RANBP17: variants seen among roughly 807,000 people sequenced by gnomAD.
RANBP17 encodes the protein ran-binding protein 17.
A neutral mutation model predicts 141.2 loss-of-function variants in RANBP17; 158 were observed. The observed-to-expected ratio is 1.12, with a 90% CI of 0.98 to 1.28. The LOEUF (loss-of-function observed/expected upper bound fraction) is 1.28, where lower values mean the gene tolerates loss of function less well. Ranked by LOEUF, RANBP17 falls within the 50% of genes most tolerant of loss-of-function variation. The pLI is 0.00. For synonymous variants in RANBP17, 430 were observed against 450.0 expected (o/e 0.96, Z 0.56); for missense variants, 1,438 against 1,290.7 (o/e 1.11, Z -1.75).
intron 14 of RANBP17, among the ~76,000 whole-genome samples, chr5:171,011,423 T>C (rs965632103): frequency 6.6e-6 from 1 of 152,050 alleles, no homozygotes; most frequent in African/African-American, 2.4e-5. Context: ...TTTTTTTTAA[T>C]ATGTGTTTAA....
At chr5:171,061,929 CTT>C (rs1211284838) in intron 14 of RANBP17, among the ~76,000 whole-genome samples, 1 of 151,970 alleles carries the variant, frequency 6.6e-6, no homozygotes, top group Non-Finnish European at 1.5e-5. Flanking sequence ...TTCTTTGTCT[CTT>C]TTGATCTTTG....
intron 18 of RANBP17, among the ~76,000 whole-genome samples, chr5:171,190,879 G>C (rs1761584698): frequency 6.6e-6 from 1 of 152,190 alleles, no homozygotes; most frequent in African/African-American, 2.4e-5. Flanking sequence ...GAAGTGCTCA[G>C]TGTCACCAAT....
chr5:171,111,979 A>T (rs1755262925), intron 14 of RANBP17, among the ~76,000 whole-genome samples: 1 of 152,222 alleles, frequency 6.6e-6, no homozygotes, highest in Non-Finnish European at 1.5e-5. Context: ...ATGGAAAAAT[A>T]GCAAATTACA....
At chr5:171,055,117 A>G (rs904593974) in intron 14 of RANBP17, among the ~76,000 whole-genome samples, 1 of 152,218 alleles carries the variant, frequency 6.6e-6, no homozygotes, top group Non-Finnish European at 1.5e-5. Context: ...AATTATCCCA[A>G]GTAAAGAGAG....
At chr5:171,105,551 T>C (rs1754765000) in intron 14 of RANBP17, among the ~76,000 whole-genome samples, 8 of 151,766 alleles carry the variant, frequency 5.3e-5, no homozygotes, top group Admixed American at 5.3e-4. Flanking sequence ...TATATACATA[T>C]ATTTTTAAAA....
intron 14 of RANBP17, among the ~76,000 whole-genome samples, chr5:171,044,887 G>T (rs887273070): frequency 1.3e-5 from 2 of 151,950 alleles, no homozygotes; most frequent in Non-Finnish European, 2.9e-5. Context: ...TTTTAATTGT[G>T]GAGTGCTGGA....
intron 9 of RANBP17, among the ~76,000 whole-genome samples, chr5:170,917,905 G>A (rs188084236): frequency 3.0e-4 from 46 of 152,038 alleles, no homozygotes; most frequent in African/African-American, 8.2e-4. Flanking sequence ...AATTTTTTTG[G>A]TTATTTTTCT....
intron 14 of RANBP17, among the ~76,000 whole-genome samples, chr5:171,064,012 G>A (rs577021645): frequency 8.5e-5 from 13 of 152,362 alleles, no homozygotes; most frequent in African/African-American, 3.1e-4. Context: ...TAAGCCCATC[G>A]GAAAAGCGCA....
At chr5:170,946,484 TA>T (rs1175110899) in intron 12 of RANBP17, among the ~76,000 whole-genome samples, 1 of 152,120 alleles carries the variant, frequency 6.6e-6, no homozygotes, top group Non-Finnish European at 1.5e-5. Flanking sequence ...GCGACCTCTG[TA>T]AAATTCTAAG....
At chr5:171,068,304 G>C (rs1784429113) in intron 14 of RANBP17, among the ~76,000 whole-genome samples, 1 of 151,996 alleles carries the variant, frequency 6.6e-6, no homozygotes, top group South Asian at 2.1e-4. Flanking sequence ...TTCACACATT[G>C]TTCTCCTGGT....
chr5:170,931,915 TTAAAG>T (rs1306985258), intron 12 of RANBP17, among the ~76,000 whole-genome samples: 7 of 152,212 alleles, frequency 4.6e-5, no homozygotes, highest in Non-Finnish European at 7.3e-5. Context: ...CATATGAACT[TTAAAG>T]TAGTTTTTTC....
intron 18 of RANBP17, among the ~76,000 whole-genome samples, chr5:171,185,736 C>CA (rs1761191523): frequency 6.6e-6 from 1 of 152,230 alleles, no homozygotes; most frequent in Non-Finnish European, 1.5e-5. Flanking sequence ...TTGAACCCCT[C>CA]AGAGTCGTCC....
At chr5:170,965,885 C>CT (rs1185916378) in intron 13 of RANBP17, among the ~76,000 whole-genome samples, 1 of 152,080 alleles carries the variant, frequency 6.6e-6, no homozygotes, top group Non-Finnish European at 1.5e-5. Context: ...GACACAGGCT[C>CT]TTTTTTGGTT....
intron 14 of RANBP17, among the ~76,000 whole-genome samples, chr5:170,976,631 G>A (rs1024176863): frequency 2.0e-5 from 3 of 152,152 alleles, no homozygotes; most frequent in African/African-American, 7.2e-5. Context: ...TTAAGTTATA[G>A]TAATTATAGT....
intron 22 of RANBP17, among the ~76,000 whole-genome samples, chr5:171,228,101 A>G (rs1452769713): frequency 6.6e-6 from 1 of 152,240 alleles, no homozygotes; most frequent in Non-Finnish European, 1.5e-5. Context: ...TTCAAGTCGT[A>G]TTATATCAGA....
intron 14 of RANBP17, among the ~76,000 whole-genome samples, chr5:170,988,320 A>AACT (rs1778290399): frequency 2.7e-5 from 4 of 150,096 alleles, no homozygotes; most frequent in Non-Finnish European, 5.9e-5. Flanking sequence ...GAGGGTGATA[A>AACT]TTTCATCTGG....
In RANBP17 at chr5:171,076,573, A is replaced by C. The variant is rs372343590; in HGVS notation, c.1711-93557A>C. On this transcript the variant is annotated intron_variant, in intron 14 of 27. Transcript: ENST00000523189. ...TCAAGATCTATGGCAGGAAATAGAT[A>C]AGTCTGGAATACCTTGTTATACCAA... Among the ~76,000 whole-genome samples, 5 of 152,338 alleles carry C rather than the reference A, an allele frequency of 3.3e-5. No individual in the cohort carries two copies. In the East Asian group the frequency reaches 7.7e-4, roughly 23 times the overall value.
intron 14 of RANBP17, among the ~76,000 whole-genome samples, chr5:171,117,250 T>C (rs1320220838): frequency 2.0e-5 from 3 of 152,174 alleles, no homozygotes; most frequent in Non-Finnish European, 1.5e-5. Flanking sequence ...GGAACCTCCG[T>C]ATTTTCTCCA....
At chr5:170,862,909 TATC>T (rs745901682) in intron 1 of RANBP17, among the ~76,000 whole-genome samples, 10 of 152,216 alleles carry the variant, frequency 6.6e-5, no homozygotes, top group Non-Finnish European at 8.8e-5. Context: ...ATAGTCACAG[TATC>T]ATAGCACAGA....
Sources: gnomAD v4.1 joint callset for allele counts (sites outside exome capture counted in the v4.1 genomes callset) on GRCh38, gnomAD v4.1.1 for gene constraint, MANE v1.5 for transcripts, NCBI Gene and HGNC (gene_info 2026-07-23, HGNC 2026-07-21) for gene names.